The following CDCA2 variants were observed in gnomAD, a reference collection of about 807,000 sequenced individuals.
CDCA2 encodes cell division cycle associated 2, also known as cell division cycle-associated protein 2.
In CDCA2, 44 loss-of-function variants were observed where a neutral mutation model predicts 67.0. That is an observed-to-expected ratio of 0.66 (90% CI 0.52 to 0.84). CDCA2 has a LOEUF of 0.84. CDCA2 is among the 40% of genes least tolerant of loss of function. CDCA2 has a pLI of 0.00. For missense variants in CDCA2, 1,253 were observed against 1,203.2 expected, an observed-to-expected ratio of 1.04 and a Z score of -0.61; for synonymous variants, 447 against 418.7, an observed-to-expected ratio of 1.07 and a Z score of -0.82.
intron 1 of CDCA2, among the ~76,000 whole-genome samples, 165 bp downstream of exon 1, chr8:25,459,638 C>G (rs1802593625): frequency 6.6e-6 from 1 of 152,228 alleles, no homozygotes; most frequent in Admixed American, 6.5e-5. Context: ...ATGGATAGAG[C>G]TGCGTCTTGA....
chr8:25,478,874 C>G (rs1305725367), intron 7 of CDCA2, among the ~76,000 whole-genome samples: 1 of 78,660 alleles, frequency 1.3e-5, no homozygotes, highest in South Asian at 5.0e-4. Flanking sequence ...ATATTAACTA[C>G]TTGTTGTGTG....
intron 10 of CDCA2, 122 bp from the exon 11 acceptor site, chr8:25,485,637 A>G: frequency 7.8e-6 from 4 of 512,204 alleles, no homozygotes; most frequent in Non-Finnish European, 1.4e-5. Flanking sequence ...TCTTTTATTG[A>G]TTACCCATCT....
chr8:25,488,779 C>G, intron 13 of CDCA2, 90 bp downstream of exon 13: 1 of 1,321,046 alleles, frequency 7.6e-7, no homozygotes, highest in Non-Finnish European at 9.9e-7. Flanking sequence ...CATTTTTTTC[C>G]AGTTGACTTT....
intron 3 of CDCA2, among the ~76,000 whole-genome samples, chr8:25,461,471 GTAA>G (rs914074985): frequency 2.0e-5 from 3 of 152,148 alleles, no homozygotes; most frequent in African/African-American, 7.2e-5. Context: ...ACTAGACCAG[GTAA>G]TACATAAGAC....
chr8:25,505,917 T>G (rs957993924), intron 14 of CDCA2, among the ~76,000 whole-genome samples: 2 of 152,268 alleles, frequency 1.3e-5, no homozygotes, highest in Non-Finnish European at 1.5e-5. Flanking sequence ...GGATATTTAG[T>G]CAAAGGCTGA....
At chr8:25,488,479 C>A in intron 12 of CDCA2, 73 bp from the exon 13 acceptor site, 1 of 1,387,292 alleles carries the variant, frequency 7.2e-7, no homozygotes, top group South Asian at 1.6e-5. Context: ...GGAAGCACAA[C>A]AAGAGTGAGA....
At chr8:25,505,989 C>T (rs1229144860) in intron 14 of CDCA2, among the ~76,000 whole-genome samples, 2 of 152,164 alleles carry the variant, frequency 1.3e-5, no homozygotes, top group African/African-American at 4.8e-5. Flanking sequence ...GAGTACAGTG[C>T]ACTTTATAGT....
At chr8:25,496,600 C>T (rs997127011) in intron 13 of CDCA2, among the ~76,000 whole-genome samples, 1 of 152,058 alleles carries the variant, frequency 6.6e-6, no homozygotes, top group Non-Finnish European at 1.5e-5. Context: ...AGCTCATTAG[C>T]AAGAACACAC....
chr8:25,492,717 A>C (rs2117533683), intron 13 of CDCA2, among the ~76,000 whole-genome samples: 1 of 152,382 alleles, frequency 6.6e-6, no homozygotes, highest in African/African-American at 2.4e-5. Context: ...GTTTGCAGTC[A>C]TAATAATACA....
intron 12 of CDCA2, among the ~76,000 whole-genome samples, chr8:25,487,932 G>C (rs1488922003): frequency 6.6e-6 from 1 of 152,082 alleles, no homozygotes; most frequent in Non-Finnish European, 1.5e-5. Flanking sequence ...AAATGGAGAA[G>C]ATCAGCATGT....
At chr8:25,480,217 T>A in intron 8 of CDCA2, 93 bp downstream of exon 8, 3 of 1,031,280 alleles carry the variant, frequency 2.9e-6, no homozygotes, top group African/African-American at 1.6e-5. Context: ...CATGCTAGTT[T>A]AAAAGGAAAT....
At chr8:25,504,532 A>G (rs368876418) in intron 14 of CDCA2, among the ~76,000 whole-genome samples, 3 of 152,256 alleles carry the variant, frequency 2.0e-5, no homozygotes, top group East Asian at 3.9e-4. Flanking sequence ...CCTACCTCCT[A>G]TTTGCGGTAT....
chr8:25,497,492 T>TAAAAAAAA (rs535097107), intron 13 of CDCA2, among the ~76,000 whole-genome samples: 1 of 34,226 alleles, frequency 2.9e-5, no homozygotes, highest in African/African-American at 5.4e-5. Context: ...GTGGAATCTT[T>TAAAAAAAA]AAAAAATAAA....
Position 25,506,715 on chromosome 8 carries a change from G to A in CDCA2, c.2049G>A (p.Met683Ile), listed in dbSNP as rs1360691852. The change falls in exon 15 of 15, where the codon ATG becomes ATA. Residue 683 changes from methionine (M) to isoleucine (I), a missense_variant. Coordinates refer to ENST00000330560, the MANE Select transcript of CDCA2 (RefSeq NM_152562.4). ...TSDEDPNTNI[M>I]NINENKNIPK... ...ATGAAGATCCAAATACAAATATAAT[G>A]AACATTAATGAAAATAAAAATATTC... is the stretch of plus-strand genomic sequence containing the variant. The A allele has an allele frequency of 1.2e-6, 2 of 1,610,720 alleles. No homozygotes were observed. Among genetic ancestry groups the A allele is most frequent in the Non-Finnish European group, 1.7e-6 (2 of 1,178,930 alleles).
intron 11 of CDCA2, 122 bp from the exon 12 acceptor site, chr8:25,487,124 C>A: frequency 1.6e-6 from 1 of 626,556 alleles, no homozygotes; most frequent in Non-Finnish European, 2.8e-6. Context: ...TGCTTGGCTC[C>A]TCTTTTTTTT....
At position 25,460,511 on chromosome 8, in the gene CDCA2, G is replaced by A; in HGVS notation, c.189G>A (p.Glu63=). The A allele has an allele frequency of 6.2e-7, 1 of 1,614,154 alleles. No individual in the cohort carries two copies. The highest frequency in any genetic ancestry group is 8.5e-7 in the Non-Finnish European group (1 of 1,180,022). Residue 63 remains glutamate, a synonymous_variant, in exon 3 of 15, where the codon GAG becomes GAA. Transcript: ENST00000330560. ...TGAACTTTTCCACAGTAACCGTAGA[G>A]CAATTGGGAATTACACCTGAAAGCT... ...SPLNFSTVTV[E]QLGITPESFV... is the part of the protein sequence containing the mutation.
intron 4 of CDCA2, 147 bp downstream of exon 4, chr8:25,462,355 G>A (rs575356906): frequency 2.4e-5 from 20 of 848,288 alleles, no homozygotes; most frequent in South Asian, 8.7e-5. Flanking sequence ...GGCCGGGCGC[G>A]GTGGCTCACG....
At position 25,507,675 on chromosome 8, in the gene CDCA2, G is replaced by T. The variant is rs746916364; in HGVS notation, c.3009G>T (p.Gly1003=). Reference sequence around the variant, plus strand: ...ACCGGAGAAGATCCTCTCTTAATGGGAAGGGAGAGAGCTCTCTGACTGCCT... The same window carrying T: ...ACCGGAGAAGATCCTCTCTTAATGGTAAGGGAGAGAGCTCTCTGACTGCCT... ...KGYRRRSSLN[G]KGESSLTALE... Residue 1003 remains glycine (G), a synonymous_variant, in exon 15 of 15, where the codon GGG becomes GGT. Transcript: ENST00000330560. 4.3e-6 allele frequency: 7 copies of T among 1,614,176 alleles called. No homozygotes were observed. Among genetic ancestry groups the T allele is most frequent in the Non-Finnish European group, 5.9e-6 (7 of 1,180,026 alleles).
At chr8:25,503,049 A>G (rs986230639) in intron 13 of CDCA2, among the ~76,000 whole-genome samples, 3 of 152,222 alleles carry the variant, frequency 2.0e-5, no homozygotes, top group Non-Finnish European at 4.4e-5. Context: ...TGGGAGGCCA[A>G]GGCAGGAGGA....
Sources: gnomAD v4.1 joint callset for allele counts (sites outside exome capture counted in the v4.1 genomes callset) on GRCh38, gnomAD v4.1.1 for gene constraint, MANE v1.5 for transcripts, NCBI Gene and HGNC (gene_info 2026-07-23, HGNC 2026-07-21) for gene names.